Variants in DDX27 observed in about 807,000 individuals in gnomAD.
DDX27 encodes probable ATP-dependent RNA helicase DDX27.
Under a neutral mutation model 99.3 loss-of-function variants are expected in DDX27, and 42 were observed. That is an observed-to-expected ratio of 0.42 (90% CI 0.33 to 0.55). DDX27 has a LOEUF of 0.55. DDX27 is among the 20% of genes least tolerant of loss of function. The pLI is 0.07. For synonymous variants in DDX27, 329 were observed against 353.8 expected, an observed-to-expected ratio of 0.93 and a Z score of 0.79; for missense variants, 798 against 976.8, an observed-to-expected ratio of 0.82 and a Z score of 2.44.
rs1055947070 is a variant in DDX27 at position 49,223,548 on chromosome 20, C to T, written c.466+115C>T. 9.0e-6 allele frequency: 9 copies of T among 1,000,436 alleles called. No individual in the cohort carries two copies. In the African/African-American group the frequency reaches 1.5e-4, roughly 17 times the overall value. The allele number at this position is 1,000,436 out of a possible 1,614,324, so 62.0% of individuals were successfully genotyped here. A position where few individuals can be genotyped will look rare whatever the true frequency, so the allele number is the denominator to read the frequency against. Reference sequence around the variant, plus strand: ...ACAGTTTATCTTTAAGCTGTTCTGCCTACTACATTGAACTCCTTTCTTTCT... The same window carrying T: ...ACAGTTTATCTTTAAGCTGTTCTGCTTACTACATTGAACTCCTTTCTTTCT... On this transcript the variant is annotated intron_variant, in intron 4 of 20. Coordinates refer to ENST00000618172, the MANE Select transcript of DDX27 (RefSeq NM_017895.8).
chr20:49,225,235 G>A (rs774585730), intron 6 of DDX27, 36 bp downstream of exon 6: 10 of 1,514,362 alleles, frequency 6.6e-6, no homozygotes, highest in Non-Finnish European at 9.2e-6. Flanking sequence ...CTTTGTAGAA[G>A]CATGGTCTTG....
intron 9 of DDX27, among the ~76,000 whole-genome samples, chr20:49,230,755 C>T (rs1329317157): frequency 6.6e-6 from 1 of 152,104 alleles, no homozygotes; most frequent in African/African-American, 2.4e-5. Flanking sequence ...GTGGGGACTC[C>T]CTCTCCCCCC....
chr20:49,242,530 C>T (rs1568978269), intron 18 of DDX27, 64 bp from the exon 19 acceptor site: 3 of 1,499,150 alleles, frequency 2.0e-6, no homozygotes, highest in Non-Finnish European at 2.8e-6. Flanking sequence ...TTACCTTGAA[C>T]TTAAGGGGAT....
At chr20:49,232,407 AT>A (rs1459072957) in intron 9 of DDX27, among the ~76,000 whole-genome samples, 1 of 152,110 alleles carries the variant, frequency 6.6e-6, no homozygotes, top group Non-Finnish European at 1.5e-5. Flanking sequence ...AGGCAGGCGG[AT>A]CACCTGAGGT....
intron 16 of DDX27, among the ~76,000 whole-genome samples, chr20:49,239,799 A>C (rs1283266508): frequency 6.6e-6 from 1 of 152,232 alleles, no homozygotes; most frequent in African/African-American, 2.4e-5. Context: ...CATAATAGCA[A>C]AAAGGTGGAA....
intron 12 of DDX27, chr20:49,235,729 A>AT (rs1980278014): frequency 6.4e-6 from 1 of 156,950 alleles, no homozygotes; most frequent in Admixed American, 6.3e-5. Context: ...ATGTGCTCAC[A>AT]TTTAGAATCT....
chr20:49,219,439 C>A lies in DDX27; in HGVS notation c.-10C>A. ...CTGTGCTCGCTTCCGGAAGTGGCTT[C>A]TGCGACAACATGCTTGCGGACCTCG... On this transcript the variant is annotated 5_prime_UTR_variant, in exon 1 of 21. In the 5' UTR this introduces an upstream ATG that the reference lacks. Coordinates refer to ENST00000618172, the MANE Select transcript of DDX27 (RefSeq NM_017895.8). 1.2e-6 allele frequency: 2 copies of A among 1,613,538 alleles called. No individual in the cohort carries two copies. The highest frequency in any genetic ancestry group is 8.5e-7 in the Non-Finnish European group (1 of 1,179,914).
intron 6 of DDX27, among the ~76,000 whole-genome samples, chr20:49,225,917 C>T (rs1250189041): frequency 6.6e-6 from 1 of 152,192 alleles, no homozygotes; most frequent in African/African-American, 2.4e-5. Context: ...GGCACTCGTT[C>T]TGCTCTGGCC....
At chr20:49,237,507 C>T (rs238153) in intron 14 of DDX27, among the ~76,000 whole-genome samples, 103,907 of 152,002 alleles carry the variant, frequency 0.68, 36,461 homozygotes, top group Non-Finnish European at 0.78. Context: ...ATTTAATCAG[C>T]GACTAGTTAT....
At chr20:49,220,923 C>G (rs1979643470) in intron 1 of DDX27, among the ~76,000 whole-genome samples, 1 of 152,244 alleles carries the variant, frequency 6.6e-6, no homozygotes, top group Non-Finnish European at 1.5e-5. Context: ...ACTTTCATCT[C>G]TCACAGCTCT....
In DDX27 at chr20:49,222,887, T is replaced by C. The variant is rs1310976794; in HGVS notation, c.241-70T>C. 8 of 1,341,236 alleles carry C rather than the reference T, an allele frequency of 6.0e-6. No individual in the cohort carries two copies. The Admixed American group carries it at 1.8e-4, about 31-fold the overall frequency. 83.1% of individuals were successfully genotyped at this position (1,341,236 alleles called of 1,614,324 possible). ...AATTTTTTCTTTTTCAAGTTAATTA[T>C]GAAGAGTTTGTTCTCTTATTCGATG... On this transcript the variant is annotated intron_variant, in intron 2 of 20. Transcript: ENST00000618172.
chr20:49,223,457 A>G (rs764413127), intron 4 of DDX27, 24 bp downstream of exon 4: 3 of 1,594,380 alleles, frequency 1.9e-6, no homozygotes, highest in African/African-American at 1.4e-5. Context: ...CGGAGGTGTC[A>G]GTAATGGGGA....
At position 49,239,247 on chromosome 20, in the gene DDX27, A is replaced by G; in HGVS notation, c.1806A>G (p.Ala602=). The change falls in exon 16 of 21, where the codon GCA becomes GCG. Residue 602 remains alanine (A), a synonymous_variant. Transcript: ENST00000618172. The part of the protein sequence containing the change: ...MQQSEAQINT[A]KRLLEKGKEA... ...TGTTATCTCTACAGATCAATACAGC[A>G]AAGCGGCTCCTGGAGAAGGGGAAGG... is the stretch of plus-strand genomic sequence containing the variant. The G allele has an allele frequency of 6.2e-7, 1 of 1,614,130 alleles. No homozygotes were observed. The highest frequency in any genetic ancestry group is 8.5e-7 in the Non-Finnish European group (1 of 1,180,004).
rs139996461 is a variant in DDX27, at chr20:49,227,651, G to A, written c.707-1064G>A. Among the ~76,000 whole-genome samples, 96 of 152,218 alleles carry A rather than the reference G, an allele frequency of 6.3e-4. 1 individual carries two copies. The highest frequency in any genetic ancestry group is 6.8e-3 in the Middle Eastern group (2 of 292). ...CAAGAGTGCTGGGATTTACAGGTGT[G>A]AGCCACCGTGCCTGGCATACTGAAG... On this transcript the variant is annotated intron_variant, in intron 7 of 20. Coordinates refer to ENST00000618172, the MANE Select transcript of DDX27 (RefSeq NM_017895.8).
At chr20:49,227,083 T>C (rs11907497) in intron 7 of DDX27, among the ~76,000 whole-genome samples, 33,404 of 150,584 alleles carry the variant, frequency 0.22, 3,721 homozygotes, top group African/African-American at 0.24. Flanking sequence ...GGGATGGTCT[T>C]GATCTCCTGA....
intron 3 of DDX27, 30 bp downstream of exon 3, chr20:49,223,046 T>C (rs1369138783): frequency 6.3e-7 from 1 of 1,596,980 alleles, no homozygotes. Flanking sequence ...TTTTTCGTTG[T>C]TAGGGCCCAC....
chr20:49,235,786 C>T (rs1272354595), intron 12 of DDX27: 2 of 160,522 alleles, frequency 1.2e-5, no homozygotes, highest in African/African-American at 4.8e-5. Flanking sequence ...CTCTGTCGCC[C>T]AGGCTGGAGT....
intron 1 of DDX27, among the ~76,000 whole-genome samples, chr20:49,220,685 G>C (rs1979626847): frequency 6.6e-6 from 1 of 152,342 alleles, no homozygotes; most frequent in South Asian, 2.1e-4. Context: ...CCGCTGCGTG[G>C]GAGGTCATGG....
At chr20:49,240,859 C>A (rs1011203928) in intron 16 of DDX27, among the ~76,000 whole-genome samples, 53 of 152,006 alleles carry the variant, frequency 3.5e-4, no homozygotes, top group Admixed American at 2.9e-3. Flanking sequence ...TACTAAAAAT[C>A]AAAAAATTAG....
Sources: gnomAD v4.1 joint callset for allele counts (sites outside exome capture counted in the v4.1 genomes callset) on GRCh38, gnomAD v4.1.1 for gene constraint, MANE v1.5 for transcripts, NCBI Gene and HGNC (gene_info 2026-07-23, HGNC 2026-07-21) for gene names.